C8orf88: variants seen among roughly 807,000 people sequenced by gnomAD.
C8orf88 encodes the protein uncharacterized protein C8orf88.
In C8orf88, 14 loss-of-function variants were observed where a neutral mutation model predicts 18.4. That is an observed-to-expected ratio of 0.76 (90% confidence interval 0.50 to 1.19). The LOEUF (loss-of-function observed/expected upper bound fraction) is 1.19. C8orf88 is among the 50% of genes most tolerant of loss of function. The probability of loss-of-function intolerance (pLI) is 0.00; values close to 1 mark genes in which losing one functional copy is unlikely to be tolerated. For synonymous variants in C8orf88, 45 were observed against 42.9 expected (o/e 1.05, Z -0.19); for missense variants, 116 against 134.7 (o/e 0.86, Z 0.69).
intron 4 of C8orf88, among the ~76,000 whole-genome samples, chr8:90,963,558 G>A (rs1811156599): frequency 6.6e-6 from 1 of 151,688 alleles, no homozygotes; most frequent in African/African-American, 2.4e-5. Flanking sequence ...TATGCTCAAA[G>A]AGCTAAAGAA....
chr8:90,966,076 C>A (rs979903381), intron 4 of C8orf88, among the ~76,000 whole-genome samples: 1 of 151,370 alleles, frequency 6.6e-6, no homozygotes, highest in Non-Finnish European at 1.5e-5. Context: ...AGAAAATCAG[C>A]AAAATCAAAA....
chr8:90,963,481 A>G (rs1811155143), intron 4 of C8orf88, among the ~76,000 whole-genome samples: 3 of 151,742 alleles, frequency 2.0e-5, no homozygotes, highest in South Asian at 4.1e-4. Flanking sequence ...AAAGAAATAG[A>G]AATTTTCAGT....
At chr8:90,969,351 T>A (rs560833136) in intron 4 of C8orf88, among the ~76,000 whole-genome samples, 1 of 151,870 alleles carries the variant, frequency 6.6e-6, no homozygotes, top group African/African-American at 2.4e-5. Context: ...TGGAAAGTGA[T>A]AGAAGCCAGA....
chr8:90,965,502 C>T (rs997040942), intron 4 of C8orf88, among the ~76,000 whole-genome samples: 1 of 151,708 alleles, frequency 6.6e-6, no homozygotes, highest in Non-Finnish European at 1.5e-5. Context: ...CACAACCCAA[C>T]TAACCTAATT....
chr8:90,964,792 T>C (rs1046808537), intron 4 of C8orf88, among the ~76,000 whole-genome samples: 1 of 151,772 alleles, frequency 6.6e-6, no homozygotes, highest in Admixed American at 6.6e-5. Flanking sequence ...CAATGTTTTA[T>C]ATAACATTGG....
At chr8:90,982,170 G>A (rs1483383955) in intron 1 of C8orf88, among the ~76,000 whole-genome samples, 18 of 151,930 alleles carry the variant, frequency 1.2e-4, no homozygotes, top group Admixed American at 9.8e-4. Context: ...GTATTTCAAC[G>A]TGGCAAAACT....
chr8:90,963,104 C>T (rs1478116182), intron 4 of C8orf88, among the ~76,000 whole-genome samples: 1 of 151,452 alleles, frequency 6.6e-6, no homozygotes, highest in African/African-American at 2.4e-5. Context: ...GAGGTAATAC[C>T]TCAAAATACA....
At chr8:90,975,892 C>T (rs1811341203) in intron 3 of C8orf88, among the ~76,000 whole-genome samples, 1 of 148,516 alleles carries the variant, frequency 6.7e-6, no homozygotes, top group African/African-American at 2.5e-5. Flanking sequence ...GATGAATAAA[C>T]AAACTGTTGT....
At chr8:90,971,331 TAC>T (rs1438645287) in intron 3 of C8orf88, among the ~76,000 whole-genome samples, 190 bp from the exon 4 acceptor site, 1 of 151,260 alleles carries the variant, frequency 6.6e-6, no homozygotes, top group Non-Finnish European at 1.5e-5. Flanking sequence ...CACATATATC[TAC>T]AGTTTTTTTG....
intron 3 of C8orf88, among the ~76,000 whole-genome samples, chr8:90,972,773 T>C (rs1365256521): frequency 6.6e-6 from 1 of 152,090 alleles, no homozygotes; most frequent in East Asian, 1.9e-4. Flanking sequence ...GAGCTAGGTT[T>C]TGAAACTCAA....
In C8orf88 at chr8:90,985,105, G is replaced by C. The variant is rs1319081266; in HGVS notation, c.-27+9C>G. The C allele has an allele frequency of 6.6e-6, 1 of 152,182 alleles. No homozygotes were observed. The highest frequency in any genetic ancestry group is 1.5e-5 in the Non-Finnish European group (1 of 68,056). 9.4% of individuals were successfully genotyped at this position (152,182 alleles called of 1,614,324 possible). ...CCCCCAGTGTCGCTCATCCTCCCTA[G>C]CCACTTACCGACTCAAAATCCACGG... On this transcript the variant is annotated intron_variant, in intron 1 of 5. Coordinates refer to ENST00000517562, the MANE Select transcript of C8orf88 (RefSeq NM_001190972.2).
At chr8:90,965,327 A>G (rs2130304353) in intron 4 of C8orf88, among the ~76,000 whole-genome samples, 1 of 151,976 alleles carries the variant, frequency 6.6e-6, no homozygotes, top group South Asian at 2.1e-4. Context: ...TCAAGAAGAT[A>G]TAAGAATTGT....
chr8:90,983,591 A>C (rs1811463551), intron 1 of C8orf88, among the ~76,000 whole-genome samples: 1 of 152,140 alleles, frequency 6.6e-6, no homozygotes, highest in African/African-American at 2.4e-5. Flanking sequence ...CTTTGGCCAA[A>C]ATCTTATTAA....
intron 3 of C8orf88, among the ~76,000 whole-genome samples, chr8:90,976,227 A>C (rs968923311): frequency 6.6e-6 from 1 of 152,068 alleles, no homozygotes; most frequent in African/African-American, 2.4e-5. Context: ...CATAGCATAA[A>C]TATTTCTCAA....
intron 3 of C8orf88, among the ~76,000 whole-genome samples, chr8:90,972,394 C>G (rs1194065401): frequency 6.6e-6 from 1 of 151,390 alleles, no homozygotes; most frequent in African/African-American, 2.4e-5. Flanking sequence ...ATTTAATTAA[C>G]TATAAAATGG....
In C8orf88 at chr8:90,971,108, C is replaced by G. The variant is rs1292559733; in HGVS notation, c.181G>C (p.Gly61Arg). ...KTNGMQAFSQ[G>R]LNEQQQQQSP... ...TGCTGTTGCTGTTGCTCATTAAGAC[C>G]TTGAGAAAAGGCTTGCATTCCATTC... Residue 61 changes from glycine (G) to arginine (R), a missense_variant, in exon 4 of 6, where the codon GGT (glycine) becomes CGT (arginine). Physicochemically the swap from Gly to Arg is moderately radical, Grantham distance 125. Transcript: ENST00000517562. 6.6e-7 allele frequency: 1 copy of G among 1,520,746 alleles called. No individual in the cohort carries two copies. The highest frequency in any genetic ancestry group is 2.0e-5 in the Admixed American group (1 of 49,844). 94.2% of individuals were successfully genotyped at this position (1,520,746 alleles called of 1,614,324 possible).
rs566785122 is a variant in C8orf88 at position 90,983,846 on chromosome 8, A to G, written c.-27+1268T>C. Among the ~76,000 whole-genome samples, 184 of 152,298 alleles carry G rather than the reference A, an allele frequency of 1.2e-3. 3 individuals are homozygous for G. The South Asian group carries it at 0.037, about 31-fold the overall frequency. ...TCAAAACTTGCCTATTTGTTACATA[A>G]AAGAAAGATATCTGACTGTCCATTT... On this transcript the variant is annotated intron_variant, in intron 1 of 5. Transcript: ENST00000517562.
intron 3 of C8orf88, among the ~76,000 whole-genome samples, chr8:90,973,944 G>C (rs535477037): frequency 6.6e-6 from 1 of 151,846 alleles, no homozygotes; most frequent in East Asian, 1.9e-4. Context: ...AATATCAAAA[G>C]ACAAAAGGTA....
At chr8:90,971,250 CT>C in intron 3 of C8orf88, 109 bp from the exon 4 acceptor site, 1 of 500,222 alleles carries the variant, frequency 2.0e-6, no homozygotes, top group Non-Finnish European at 3.4e-6. Flanking sequence ...TTAGTAGGAG[CT>C]AAGTAATAAG....
Sources: gnomAD v4.1 joint callset for allele counts (sites outside exome capture counted in the v4.1 genomes callset) on GRCh38, gnomAD v4.1.1 for gene constraint, MANE v1.5 for transcripts, NCBI Gene and HGNC (gene_info 2026-07-23, HGNC 2026-07-21) for gene names.